Variants in EYA4 observed in about 807,000 individuals in gnomAD.
EYA4 encodes the protein EYA transcriptional coactivator and phosphatase 4, also known as protein phosphatase EYA4.
EYA4 carries 31 observed loss-of-function variants against 87.9 expected under a neutral mutation model. That is an observed-to-expected ratio of 0.35 (90% confidence interval 0.27 to 0.48). EYA4 has a LOEUF of 0.48. EYA4 is among the 20% of genes least tolerant of loss of function. The pLI is 0.99. For synonymous variants in EYA4, 263 were observed against 270.6 expected, an observed-to-expected ratio of 0.97 and a Z score of 0.28; for missense variants, 678 against 761.4, an observed-to-expected ratio of 0.89 and a Z score of 1.29.
At chr6:133,437,766 A>G (rs907716683) in intron 3 of EYA4, among the ~76,000 whole-genome samples, 3 of 152,184 alleles carry the variant, frequency 2.0e-5, no homozygotes, top group Non-Finnish European at 4.4e-5. Context: ...AGGAACTACC[A>G]AACACTTATG....
intron 1 of EYA4, among the ~76,000 whole-genome samples, chr6:133,273,739 A>AT (rs1776929665): frequency 6.6e-6 from 1 of 152,152 alleles, no homozygotes; most frequent in African/African-American, 2.4e-5. Context: ...TTCATTGTGA[A>AT]TTTGAACACA....
chr6:133,290,784 A>G (rs1459962701), intron 2 of EYA4, among the ~76,000 whole-genome samples: 1 of 152,204 alleles, frequency 6.6e-6, no homozygotes, highest in Non-Finnish European at 1.5e-5. Flanking sequence ...CAGAGTGAGA[A>G]CATTAACAAC....
intron 3 of EYA4, among the ~76,000 whole-genome samples, chr6:133,399,849 A>G (rs74619081): frequency 0.013 from 1,966 of 152,330 alleles, 34 homozygotes; most frequent in African/African-American, 0.043. Flanking sequence ...GTCAGTGTAT[A>G]AAGTTCTCCC....
rs201014987 is a variant in EYA4, at chr6:133,299,714, AAAAATAAAATAAAATAAAAT to A, written c.33+24936_33+24955del. Among the ~76,000 whole-genome samples, 277 of 137,640 alleles carry A rather than the reference AAAAATAAAATAAAATAAAAT, an allele frequency of 2.0e-3. 2 individuals are homozygous for A. Among genetic ancestry groups the A allele is most frequent in the African/African-American group, 5.9e-3 (210 of 35,402 alleles). 90.3% of individuals were successfully genotyped at this position (137,640 alleles called of 152,430 possible). Reference sequence around the variant, plus strand: ...GCAACAGAGTGAGACTCTGTCTCAAAAAAATAAAATAAAATAAAATAAAATAAAATAAAATAAAATAAAAT... The same window carrying A: ...GCAACAGAGTGAGACTCTGTCTCAAAAAAATAAAATAAAATAAAATAAAAT... On this transcript the variant is annotated intron_variant, in intron 2 of 19. Coordinates refer to ENST00000355286, the MANE Select transcript of EYA4 (RefSeq NM_004100.5).
chr6:133,379,086 T>TA (rs2128475105), intron 2 of EYA4, among the ~76,000 whole-genome samples: 1 of 152,200 alleles, frequency 6.6e-6, no homozygotes, highest in Admixed American at 6.6e-5. Flanking sequence ...TTTCTTGACC[T>TA]GCTTGTTTTC....
intron 2 of EYA4, among the ~76,000 whole-genome samples, chr6:133,299,931 C>CTATA (rs1483133674): frequency 3.6e-4 from 29 of 80,464 alleles, no homozygotes; most frequent in African/African-American, 1.3e-3. Context: ...AGATCTCTAT[C>CTATA]TATCTATCTA....
intron 1 of EYA4, chr6:133,247,690 G>A (rs1436590943): frequency 6.6e-6 from 1 of 151,894 alleles, no homozygotes; most frequent in African/African-American, 2.4e-5. Context: ...ACTCAGCCAC[G>A]GATCCTTTCA....
chr6:133,378,523 A>T (rs1447361760), intron 2 of EYA4, among the ~76,000 whole-genome samples: 2 of 152,090 alleles, frequency 1.3e-5, no homozygotes, highest in Non-Finnish European at 2.9e-5. Flanking sequence ...TATGAATTTT[A>T]GGTTCTTCAT....
At chr6:133,324,518 G>A (rs902526251) in intron 2 of EYA4, among the ~76,000 whole-genome samples, 7 of 152,090 alleles carry the variant, frequency 4.6e-5, no homozygotes, top group East Asian at 3.9e-4. Flanking sequence ...TATGTATTAT[G>A]TACAATATAT....
chr6:133,340,992 T>TA (rs1782737788), intron 2 of EYA4, among the ~76,000 whole-genome samples: 1 of 152,184 alleles, frequency 6.6e-6, no homozygotes, highest in South Asian at 2.1e-4. Flanking sequence ...GACTGGATTT[T>TA]AAATAGAAGT....
intron 2 of EYA4, among the ~76,000 whole-genome samples, chr6:133,312,045 G>GTTC (rs1780263622): frequency 6.6e-6 from 1 of 152,146 alleles, no homozygotes; most frequent in Non-Finnish European, 1.5e-5. Flanking sequence ...AAGTCTTACT[G>GTTC]AGATAGTCAT....
intron 3 of EYA4, among the ~76,000 whole-genome samples, chr6:133,422,596 A>G (rs1298614766): frequency 2.0e-5 from 3 of 152,234 alleles, no homozygotes; most frequent in Non-Finnish European, 4.4e-5. Context: ...GTTGAAACAG[A>G]AAAGAGGAAT....
At chr6:133,304,122 T>C (rs1288807930) in intron 2 of EYA4, among the ~76,000 whole-genome samples, 2 of 152,168 alleles carry the variant, frequency 1.3e-5, no homozygotes, top group African/African-American at 4.8e-5. Context: ...GTAATTTCCT[T>C]CATATACCTT....
chr6:133,333,321 A>G (rs1782124797), intron 2 of EYA4, among the ~76,000 whole-genome samples: 2 of 152,222 alleles, frequency 1.3e-5, no homozygotes, highest in African/African-American at 4.8e-5. Flanking sequence ...CACTTGAAGG[A>G]GCCCCCTTAA....
chr6:133,293,467 T>A (rs1242766057), intron 2 of EYA4, among the ~76,000 whole-genome samples: 1 of 152,052 alleles, frequency 6.6e-6, no homozygotes, highest in East Asian at 1.9e-4. Flanking sequence ...AAATCATGAA[T>A]GAGAATAAGA....
intron 17 of EYA4, among the ~76,000 whole-genome samples, chr6:133,519,474 A>G (rs913008418): frequency 3.3e-5 from 5 of 151,312 alleles, no homozygotes; most frequent in Admixed American, 3.3e-4. Context: ...ATAGACCAAT[A>G]ACAGGATCTG....
intron 2 of EYA4, among the ~76,000 whole-genome samples, chr6:133,289,840 C>A (rs1302982657): frequency 2.0e-5 from 3 of 152,156 alleles, no homozygotes; most frequent in Admixed American, 6.5e-5. Context: ...TTTGTAAGGG[C>A]TAATCTGTTA....
chr6:133,489,153 A>G (rs1796926981), intron 13 of EYA4, among the ~76,000 whole-genome samples: 1 of 152,224 alleles, frequency 6.6e-6, no homozygotes, highest in African/African-American at 2.4e-5. Context: ...TTGATAAAGC[A>G]GAAAAAAGAA....
chr6:133,295,781 T>C lies in EYA4; in HGVS notation c.33+20968T>C, dbSNP rs377635762. On this transcript the variant is annotated intron_variant, in intron 2 of 19. Transcript: ENST00000355286. ...TTACTCTGCTATATCATATTTATTA[T>C]TCATTGATGGATGTATTAAACAAAG... 3.3e-5 allele frequency among the ~76,000 whole-genome samples: 5 copies of C among 152,238 alleles called. No homozygotes were observed. The South Asian group carries it at 1.0e-3, about 31-fold the overall frequency.
Sources: gnomAD v4.1 joint callset for allele counts (sites outside exome capture counted in the v4.1 genomes callset) on GRCh38, gnomAD v4.1.1 for gene constraint, MANE v1.5 for transcripts, NCBI Gene and HGNC (gene_info 2026-07-23, HGNC 2026-07-21) for gene names.